The following SLC8A1 variants were observed in gnomAD, a reference collection of about 807,000 sequenced individuals.
The protein encoded by SLC8A1 is sodium/calcium exchanger 1.
A neutral mutation model predicts 68.3 loss-of-function variants in SLC8A1; 18 were observed. The ratio of observed to expected loss-of-function variants is 0.26; its 90% CI spans 0.18 to 0.39. The LOEUF (loss-of-function observed/expected upper bound fraction) is 0.39. Among genes scored for constraint, SLC8A1 ranks in the 10% least tolerant of loss-of-function variants. SLC8A1 has a pLI of 1.00. For synonymous variants in SLC8A1, 475 were observed against 415.5 expected (o/e 1.14, Z -1.74); for missense variants, 985 against 1,156.7 (o/e 0.85, Z 2.15).
chr2:40,323,337 A>G (rs1331718046), intron 2 of SLC8A1, among the ~76,000 whole-genome samples: 4 of 152,174 alleles, frequency 2.6e-5, no homozygotes, highest in Admixed American at 2.0e-4. Context: ...AGACACTATT[A>G]CTGTCCATAA....
intron 1 of SLC8A1, among the ~76,000 whole-genome samples, chr2:40,474,317 T>G (rs1414055351): frequency 6.6e-6 from 1 of 152,238 alleles, no homozygotes; most frequent in Admixed American, 6.5e-5. Flanking sequence ...GTATTTAATC[T>G]GCATAATGTA....
intron 1 of SLC8A1, among the ~76,000 whole-genome samples, chr2:40,473,978 A>G (rs750736547): frequency 5.3e-5 from 8 of 152,214 alleles, no homozygotes; most frequent in Non-Finnish European, 8.8e-5. Context: ...CCAAAAATGT[A>G]ACTTCCACAA....
At chr2:40,452,230 C>T (rs1309339639), upstream of SLC8A1, among the ~76,000 whole-genome samples, 2 of 149,898 alleles carry the variant, frequency 1.3e-5, no homozygotes, top group African/African-American at 4.9e-5. Context: ...CACTCGCTCA[C>T]ACGCGCGCTC....
At chr2:40,242,759 A>G (rs1421318797) in intron 2 of SLC8A1, among the ~76,000 whole-genome samples, 5 of 152,244 alleles carry the variant, frequency 3.3e-5, no homozygotes, top group African/African-American at 1.2e-4. Context: ...AAAGAGGAAT[A>G]CAAATACAAC....
At chr2:40,366,031 A>G (rs1676077007) in intron 2 of SLC8A1, among the ~76,000 whole-genome samples, 1 of 151,988 alleles carries the variant, frequency 6.6e-6, no homozygotes, top group Non-Finnish European at 1.5e-5. Flanking sequence ...AAGAATAAAA[A>G]AATTTGGATC....
chr2:40,454,054 G>T (rs958060515), upstream of SLC8A1, among the ~76,000 whole-genome samples: 4 of 152,152 alleles, frequency 2.6e-5, no homozygotes, highest in Non-Finnish European at 5.9e-5. Context: ...AATGACCTGT[G>T]GGGAGAGACA....
chr2:40,271,638 T>TC (rs1261445455), intron 2 of SLC8A1, among the ~76,000 whole-genome samples: 2 of 152,198 alleles, frequency 1.3e-5, no homozygotes, highest in Non-Finnish European at 2.9e-5. Flanking sequence ...GGCAAGGAAC[T>TC]CCCTGGGAGC....
intron 4 of SLC8A1, among the ~76,000 whole-genome samples, chr2:40,172,896 C>G: frequency 6.6e-6 from 1 of 152,170 alleles, no homozygotes; most frequent in South Asian, 2.1e-4. Flanking sequence ...GAGCCGAGAT[C>G]GCGCCACTGT....
chr2:40,112,305 T>A (rs1335352788), exon 8 of SLC8A1: 5 of 151,112 alleles, frequency 3.3e-5, no homozygotes, highest in Non-Finnish European at 5.9e-5. Flanking sequence ...ATATGTACCA[T>A]TTATAAGGAA....
rs929404913 is a variant in SLC8A1, at chr2:40,444,328, G to T, written c.-25+7576C>A. On this transcript the variant is annotated intron_variant, in intron 1 of 7. Transcript: ENST00000406785. ...CACCCCAGCCTGGGTGACAGAGTGA[G>T]ACCCTGTTTAAAGAAAAGTAAAATT... Among the ~76,000 whole-genome samples, 8 of 152,268 alleles carry T rather than the reference G, an allele frequency of 5.3e-5. No individual in the cohort carries two copies. In the South Asian group the frequency reaches 1.7e-3, roughly 32 times the overall value.
chr2:40,205,118 G>C (rs481800), intron 2 of SLC8A1, among the ~76,000 whole-genome samples: 119,041 of 151,946 alleles, frequency 0.78, 47,290 homozygotes, highest in Middle Eastern at 0.85. Flanking sequence ...AAGAAAAACT[G>C]TCTCTAGTTA....
intron 2 of SLC8A1, among the ~76,000 whole-genome samples, chr2:40,194,848 G>T (rs1017291917): frequency 2.6e-5 from 4 of 152,028 alleles, no homozygotes; most frequent in African/African-American, 9.7e-5. Flanking sequence ...GAGTAGTGCA[G>T]GTAGTAGGAT....
intron 2 of SLC8A1, among the ~76,000 whole-genome samples, chr2:40,311,130 C>G (rs191849682): frequency 1.6e-4 from 25 of 152,086 alleles, no homozygotes; most frequent in African/African-American, 5.5e-4. Context: ...GGTTTAAGAA[C>G]TGAAAGAAAT....
At chr2:40,479,358 G>T (rs1704490454) in intron 1 of SLC8A1, among the ~76,000 whole-genome samples, 1 of 152,148 alleles carries the variant, frequency 6.6e-6, no homozygotes, top group Non-Finnish European at 1.5e-5. Flanking sequence ...CATAGTCACA[G>T]TTAATTAATT....
chr2:40,206,555 G>A (rs2055491480), intron 2 of SLC8A1, among the ~76,000 whole-genome samples: 1 of 152,014 alleles, frequency 6.6e-6, no homozygotes, highest in African/African-American at 2.4e-5. Context: ...TATCTAGGCT[G>A]CAGAAATTCA....
intron 2 of SLC8A1, among the ~76,000 whole-genome samples, chr2:40,287,582 ATGTGTGTGTG>A (rs10522914): frequency 7.8e-6 from 1 of 127,472 alleles, no homozygotes; most frequent in Non-Finnish European, 1.7e-5. Flanking sequence ...CAGAGGAATG[ATGTGTGTGTG>A]TGTGTGTGTG....
chr2:40,403,665 T>A (rs1470875755), intron 2 of SLC8A1, among the ~76,000 whole-genome samples: 2 of 152,230 alleles, frequency 1.3e-5, no homozygotes, highest in African/African-American at 4.8e-5. Context: ...CTGTCATTCC[T>A]CTATTAATAC....
At chr2:40,371,083 T>A (rs1575778651) in intron 2 of SLC8A1, among the ~76,000 whole-genome samples, 1 of 152,186 alleles carries the variant, frequency 6.6e-6, no homozygotes, top group Admixed American at 6.6e-5. Flanking sequence ...CTAGAAGGGA[T>A]CTTTTCTAGC....
At chr2:40,396,416 G>T (rs1686908395) in intron 2 of SLC8A1, among the ~76,000 whole-genome samples, 3 of 152,068 alleles carry the variant, frequency 2.0e-5, no homozygotes, top group Non-Finnish European at 2.9e-5. Flanking sequence ...CAATTCTGCT[G>T]CCAGTAATAA....
Sources: allele counts gnomAD v4.1 joint callset (sites outside exome capture counted in the v4.1 genomes callset), GRCh38; gene constraint gnomAD v4.1.1; transcripts MANE v1.5; gene names NCBI Gene and HGNC (gene_info 2026-07-23, HGNC 2026-07-21).